Variants in YIPF5 observed in about 807,000 individuals in gnomAD.
The protein encoded by YIPF5 is protein YIPF5.
A neutral mutation model predicts 30.4 loss-of-function variants in YIPF5; 8 were observed. The observed-to-expected ratio is 0.26, with a 90% confidence interval of 0.15 to 0.47. The LOEUF (loss-of-function observed/expected upper bound fraction) is 0.47, where lower values mean the gene tolerates loss of function less well. Ranked by LOEUF, YIPF5 falls within the 20% of genes least tolerant of loss-of-function variation. The pLI is 0.99. For missense variants in YIPF5, 282 were observed against 301.8 expected, an observed-to-expected ratio of 0.93 and a Z score of 0.49; for synonymous variants, 104 against 107.9, an observed-to-expected ratio of 0.96 and a Z score of 0.23.
In YIPF5 at chr5:144,160,048, A is replaced by G. The variant is rs1751990367; in HGVS notation, c.*349T>C. On this transcript the variant is annotated 3_prime_UTR_variant, in exon 6 of 6. Transcript: ENST00000274496. ...TACTGTGACTGGGTCGTTTTTAAGA[A>G]AGGTTATCAGCTTTGTGTTTGGTTT... 1 of 998,782 alleles carries G rather than the reference A, an allele frequency of 1.0e-6. No individual in the cohort carries two copies. The highest frequency in any genetic ancestry group is 4.6e-5 in the South Asian group (1 of 21,898). 61.9% of individuals were successfully genotyped at this position (998,782 alleles called of 1,614,324 possible).
rs1377161280 is a variant in YIPF5, at chr5:144,162,481, CA to C, written c.430-83del. 21 of 1,261,028 alleles carry C rather than the reference CA, an allele frequency of 1.7e-5. No individual in the cohort carries two copies. The African/African-American group carries it at 3.2e-4, about 19-fold the overall frequency. The allele number at this position is 1,261,028 out of a possible 1,614,324, so 78.1% of individuals were successfully genotyped here. A position where few individuals can be genotyped will look rare whatever the true frequency, so the allele number is the denominator to read the frequency against. On this transcript the variant is annotated intron_variant, in intron 4 of 5. Coordinates refer to ENST00000274496, the MANE Select transcript of YIPF5 (RefSeq NM_030799.9). ...ATTTCACCTGAATCAGTACATGTAG[CA>C]AATAATTTATGAGCATCAAAATCTA...
At position 144,161,178 on chromosome 5, in the gene YIPF5, TCTC is replaced by T. The variant is rs149626601; in HGVS notation, c.612-622_612-620del. ...ATAAATAATCGACATATTTGTCTCT[TCTC>T]CTCCCAAACCTCCACTTTAGCTTTC... is the stretch of plus-strand genomic sequence containing the variant. On this transcript the variant is annotated intron_variant, in intron 5 of 5. Coordinates refer to ENST00000274496, the MANE Select transcript of YIPF5 (RefSeq NM_030799.9). 3.2e-3 allele frequency among the ~76,000 whole-genome samples: 486 copies of T among 152,234 alleles called. 4 individuals are homozygous for T. Among genetic ancestry groups the T allele is most frequent in the African/African-American group, 0.011 (472 of 41,524 alleles).
In YIPF5 at chr5:144,160,437, G is replaced by C; in HGVS notation, c.734C>G (p.Ala245Gly). The C allele has an allele frequency of 3.7e-6, 6 of 1,614,086 alleles. No individual in the cohort carries two copies. Among genetic ancestry groups the C allele is most frequent in the Non-Finnish European group, 4.2e-6 (5 of 1,180,008 alleles). ...CAGGGCAAAGACTCCATATAACAAAGCGCAAGGATATGCTACTAAAAGTTG... is the reference window on the plus strand; with the variant it reads ...CAGGGCAAAGACTCCATATAACAAACCGCAAGGATATGCTACTAAAAGTTG... ...GQQLLVAYPC[A>G]LLYGVFALIS... The change falls in exon 6 of 6, where the codon GCT becomes GGT. Residue 245 changes from alanine (A) to glycine (G), a missense_variant. Coordinates refer to ENST00000274496, the MANE Select transcript of YIPF5 (RefSeq NM_030799.9).
intron 3 of YIPF5, among the ~76,000 whole-genome samples, chr5:144,165,003 A>G (rs1671085573): frequency 1.3e-5 from 2 of 152,052 alleles, no homozygotes; most frequent in Admixed American, 1.3e-4. Context: ...TAGATTTTCA[A>G]AGAGTTATCT....
chr5:144,169,785 T>C (rs184544094), intron 2 of YIPF5, 61 bp downstream of exon 2: 391 of 1,383,040 alleles, frequency 2.8e-4, no homozygotes, highest in Admixed American at 4.5e-4. Flanking sequence ...GAACCAAATA[T>C]TCTAAATATG....
At position 144,170,581 on chromosome 5, in the gene YIPF5, C is replaced by T. The variant is rs75048331; in HGVS notation, c.-57G>A. On this transcript the variant is annotated 5_prime_UTR_variant, in exon 1 of 6. Transcript: ENST00000274496. ...CGGCAAAGGCAGTAGCTTCACTAAT[C>T]CCAAACAACCCCCAAACTCTGTTTC... is the stretch of plus-strand genomic sequence containing the variant. The T allele has an allele frequency of 5.9e-4, 90 of 153,228 alleles. 1 individual carries two copies. In the East Asian group the frequency reaches 0.015, roughly 25 times the overall value. The allele number at this position is 153,228 out of a possible 1,614,324, so 9.5% of individuals were successfully genotyped here. A position where few individuals can be genotyped will look rare whatever the true frequency, so the allele number is the denominator to read the frequency against.
intron 2 of YIPF5, among the ~76,000 whole-genome samples, chr5:144,168,138 G>T (rs1752251144): frequency 6.6e-6 from 1 of 152,198 alleles, no homozygotes; most frequent in African/African-American, 2.4e-5. Flanking sequence ...ACTGGTACAT[G>T]ATTTGGTTGG....
chr5:144,165,638 T>C (rs764295584), intron 2 of YIPF5, 34 bp from the exon 3 acceptor site: 3 of 1,610,534 alleles, frequency 1.9e-6, no homozygotes, highest in Non-Finnish European at 2.5e-6. Context: ...TTTTCAGAGG[T>C]ATTTCAACTC....
At chr5:144,163,608 T>C (rs1353839921) in intron 4 of YIPF5, among the ~76,000 whole-genome samples, 1 of 152,158 alleles carries the variant, frequency 6.6e-6, no homozygotes. Context: ...TAAGATAAAA[T>C]AAATATTAAC....
chr5:144,168,262 G>A (rs1471473900), intron 2 of YIPF5, among the ~76,000 whole-genome samples: 1 of 152,080 alleles, frequency 6.6e-6, no homozygotes. Flanking sequence ...GAGACTGTAA[G>A]TCACACCTTT....
chr5:144,166,421 A>T (rs2063773801), intron 2 of YIPF5, among the ~76,000 whole-genome samples: 1 of 152,170 alleles, frequency 6.6e-6, no homozygotes, highest in African/African-American at 2.4e-5. Context: ...CAACTTACTG[A>T]TGGGACTAAT....
At position 144,159,962 on chromosome 5, in the gene YIPF5, C is replaced by T. The variant is rs1751985378; in HGVS notation, c.*435G>A. ...TGCCCTTGTGATCCGCCCGCCTCGG[C>T]CTCCCAAAGTGCTGGGATTACAGGC... is the stretch of plus-strand genomic sequence containing the variant. On this transcript the variant is annotated 3_prime_UTR_variant, in exon 6 of 6. Transcript: ENST00000274496. 9.3e-6 allele frequency: 9 copies of T among 965,204 alleles called. No individual in the cohort carries two copies. The highest frequency in any genetic ancestry group is 1.1e-5 in the Non-Finnish European group (9 of 811,548). The allele number at this position is 965,204 out of a possible 1,614,324, so 59.8% of individuals were successfully genotyped here. A position where few individuals can be genotyped will look rare whatever the true frequency, so the allele number is the denominator to read the frequency against.
At position 144,160,131 on chromosome 5, in the gene YIPF5, C is replaced by A; in HGVS notation, c.*266G>T. 3 of 1,134,900 alleles carry A rather than the reference C, an allele frequency of 2.6e-6. No homozygotes were observed. The highest frequency in any genetic ancestry group is 1.6e-5 in the African/African-American group (1 of 62,392). The allele number at this position is 1,134,900 out of a possible 1,614,324, so 70.3% of individuals were successfully genotyped here. ...ATAATTTGCAAGGAAAAAGGTTTTT[C>A]AATGGCTGCAGGAACCAGAAAGAAA... On this transcript the variant is annotated 3_prime_UTR_variant, in exon 6 of 6. Transcript: ENST00000274496.
rs1751959842 is a variant in YIPF5 at position 144,159,317 on chromosome 5, G to A, written c.*1080C>T. 2.1e-6 allele frequency: 2 copies of A among 973,442 alleles called. No homozygotes were observed. The highest frequency in any genetic ancestry group is 1.8e-5 in the African/African-American group (1 of 56,910). 60.3% of individuals were successfully genotyped at this position (973,442 alleles called of 1,614,324 possible). On this transcript the variant is annotated 3_prime_UTR_variant, in exon 6 of 6. Transcript: ENST00000274496. ...TAAGCATTCAAATGTACTTTACATT[G>A]ATAATTGCAATATTGAATTTTGTAA...
At chr5:144,162,161 T>C in intron 5 of YIPF5, 57 bp downstream of exon 5, 2 of 1,536,028 alleles carry the variant, frequency 1.3e-6, no homozygotes, top group African/African-American at 1.4e-5. Context: ...GAAGATGAGG[T>C]GAATCCTACT....
At chr5:144,167,229 T>C (rs1449548786) in intron 2 of YIPF5, among the ~76,000 whole-genome samples, 1 of 152,100 alleles carries the variant, frequency 6.6e-6, no homozygotes, top group Non-Finnish European at 1.5e-5. Flanking sequence ...AGAATGACAA[T>C]ATCATAGAAT....
At chr5:144,169,213 G>A (rs1049676211) in intron 2 of YIPF5, among the ~76,000 whole-genome samples, 1 of 152,056 alleles carries the variant, frequency 6.6e-6, no homozygotes, top group African/African-American at 2.4e-5. Flanking sequence ...ATGTATTTTT[G>A]TCACAAACAC....
In YIPF5 at chr5:144,159,104, A is replaced by G; in HGVS notation, c.*1293T>C. ...ATATAAATCAAATAAATTTAATACA[A>G]TAAAATAATGTAACTCAAACTGCTC... On this transcript the variant is annotated 3_prime_UTR_variant, in exon 6 of 6. Transcript: ENST00000274496. The G allele has an allele frequency of 3.1e-6, 3 of 981,286 alleles. No homozygotes were observed. The highest frequency in any genetic ancestry group is 3.6e-6 in the Non-Finnish European group (3 of 826,198). 60.8% of individuals were successfully genotyped at this position (981,286 alleles called of 1,614,324 possible). A position where few individuals can be genotyped will look rare whatever the true frequency, so the allele number is the denominator to read the frequency against.
intron 3 of YIPF5, among the ~76,000 whole-genome samples, chr5:144,164,680 G>A (rs184337073): frequency 7.8e-4 from 119 of 151,874 alleles, no homozygotes; most frequent in Non-Finnish European, 2.8e-4. Context: ...GATTACAGGC[G>A]TTGAGACATC....
Sources: gnomAD v4.1 joint callset for allele counts (sites outside exome capture counted in the v4.1 genomes callset) on GRCh38, gnomAD v4.1.1 for gene constraint, MANE v1.5 for transcripts, NCBI Gene and HGNC (gene_info 2026-07-23, HGNC 2026-07-21) for gene names.